DRC10: variants seen among roughly 807,000 people sequenced by gnomAD.
The protein encoded by DRC10 is IQ domain-containing protein D.
the DRC10 span, chr12:113,200,605 C>T: frequency 1.8e-5 from 28 of 1,535,876 alleles, no homozygotes; most frequent in Non-Finnish European, 2.4e-5. Flanking sequence ...CTCTGCCTCC[C>T]GGTTCTCCAT....
the DRC10 span, among the ~76,000 whole-genome samples, chr12:113,205,902 C>CA: frequency 0.027 from 1,264 of 47,124 alleles, 10 homozygotes; most frequent in Non-Finnish European, 0.029. Context: ...GACTCCGTCT[C>CA]AAAAAAAAAA....
At chr12:113,201,448 G>C in the DRC10 span, among the ~76,000 whole-genome samples, 1 of 152,216 alleles carries the variant, frequency 6.6e-6, no homozygotes. Flanking sequence ...GTTGGATTGA[G>C]GCCACAGGGG....
the DRC10 span, among the ~76,000 whole-genome samples, chr12:113,216,668 C>T: frequency 2.6e-5 from 4 of 152,138 alleles, no homozygotes; most frequent in Non-Finnish European, 5.9e-5. Context: ...CTACCTTTCT[C>T]TCAATTTTGC....
chr12:113,208,676 A>G, the DRC10 span, among the ~76,000 whole-genome samples: 41 of 152,276 alleles, frequency 2.7e-4, no homozygotes, highest in African/African-American at 9.6e-4. Context: ...AACCACAGCC[A>G]TCAGTTCCCA....
chr12:113,210,228 TA>T, the DRC10 span, among the ~76,000 whole-genome samples: 1 of 152,180 alleles, frequency 6.6e-6, no homozygotes, highest in African/African-American at 2.4e-5. Context: ...GTACAATGGC[TA>T]AAAGTACTAG....
chr12:113,200,473 G>T, the DRC10 span: 1 of 931,614 alleles, frequency 1.1e-6, no homozygotes, highest in Non-Finnish European at 1.7e-6. Flanking sequence ...AGCTGGTGCA[G>T]TCCTGCCCTG....
chr12:113,209,543 T>C, the DRC10 span, among the ~76,000 whole-genome samples: 1 of 152,174 alleles, frequency 6.6e-6, no homozygotes, highest in African/African-American at 2.4e-5. Context: ...AGGTGCTCGA[T>C]GCCTAGCTAA....
At chr12:113,195,970 C>T in the DRC10 span, 1 of 1,501,004 alleles carries the variant, frequency 6.7e-7, no homozygotes, top group Non-Finnish European at 8.9e-7. Flanking sequence ...CTTACCCTTC[C>T]CAAATGGTCT....
At chr12:113,220,833 G>A in the DRC10 span, among the ~76,000 whole-genome samples, 4 of 152,198 alleles carry the variant, frequency 2.6e-5, no homozygotes, top group African/African-American at 7.2e-5. Flanking sequence ...TGCAGGTTGT[G>A]GAGCGAAAGG....
chr12:113,219,557 A>T, the DRC10 span, among the ~76,000 whole-genome samples: 1 of 152,126 alleles, frequency 6.6e-6, no homozygotes, highest in Non-Finnish European at 1.5e-5. Context: ...TTATTTTTAT[A>T]TTCTATATAC....
chr12:113,215,362 T>TA, the DRC10 span, among the ~76,000 whole-genome samples: 1 of 152,226 alleles, frequency 6.6e-6, no homozygotes, highest in Admixed American at 6.5e-5. Context: ...TCAAAAGTGT[T>TA]ACGCTTTTAT....
chr12:113,203,373 A>G, the DRC10 span, among the ~76,000 whole-genome samples: 1 of 151,964 alleles, frequency 6.6e-6, no homozygotes, highest in Admixed American at 6.6e-5. Context: ...CTATAATCCT[A>G]GCTACTCAGG....
chr12:113,205,430 G>A, the DRC10 span, among the ~76,000 whole-genome samples: 1 of 152,050 alleles, frequency 6.6e-6, no homozygotes, highest in Non-Finnish European at 1.5e-5. Context: ...AGACTCGGGA[G>A]GCTGAGCCAG....
chr12:113,197,157 A>G, the DRC10 span, among the ~76,000 whole-genome samples: 3 of 148,052 alleles, frequency 2.0e-5, no homozygotes, highest in Non-Finnish European at 4.4e-5. Flanking sequence ...CATTAGGCCC[A>G]GTGTCAGAGT....
the DRC10 span, among the ~76,000 whole-genome samples, chr12:113,217,982 A>T: frequency 6.6e-6 from 1 of 152,224 alleles, no homozygotes. Context: ...CGGGAGATGC[A>T]TTTGCTTGTC....
the DRC10 span, among the ~76,000 whole-genome samples, chr12:113,202,039 G>T: frequency 6.6e-6 from 1 of 152,232 alleles, no homozygotes; most frequent in Non-Finnish European, 1.5e-5. Context: ...GCTGGTTCTA[G>T]CACCTGAATG....
At chr12:113,200,303 G>A in the DRC10 span, 3 of 602,816 alleles carry the variant, frequency 5.0e-6, no homozygotes, top group Non-Finnish European at 9.3e-6. Flanking sequence ...CTTGCCCAAG[G>A]TCACAAAGCT....
chr12:113,215,932 C>T, the DRC10 span, among the ~76,000 whole-genome samples: 4 of 152,176 alleles, frequency 2.6e-5, no homozygotes, highest in Non-Finnish European at 4.4e-5. Flanking sequence ...CAACATGGTG[C>T]GGCCACTTGG....
chr12:113,209,316 T>C, the DRC10 span, among the ~76,000 whole-genome samples: 1 of 152,344 alleles, frequency 6.6e-6, no homozygotes, highest in Admixed American at 6.5e-5. Context: ...TGGATTGGGT[T>C]CTGGAGTGGA....
Sources: gnomAD v4.1 joint callset for allele counts (sites outside exome capture counted in the v4.1 genomes callset) on GRCh38, gnomAD v4.1.1 for gene constraint, MANE v1.5 for transcripts, NCBI Gene and HGNC (gene_info 2026-07-23, HGNC 2026-07-21) for gene names.